ROBO2: variants seen among roughly 807,000 people sequenced by gnomAD.
ROBO2 encodes the protein roundabout guidance receptor 2, also known as roundabout homolog 2.
Under a neutral mutation model 160.8 loss-of-function variants are expected in ROBO2, and 53 were observed. The observed-to-expected ratio is 0.33, with a 90% CI of 0.26 to 0.41. The LOEUF (loss-of-function observed/expected upper bound fraction) is 0.41. ROBO2 is among the 10% of genes least tolerant of loss of function. The pLI is 1.00. For synonymous variants in ROBO2, 664 were observed against 611.7 expected (o/e 1.09, Z -1.26); for missense variants, 1,577 against 1,722.4 (o/e 0.92, Z 1.49).
At position 76,007,161 on chromosome 3, in the gene ROBO2, C is replaced by T. The variant is rs547240841; in HGVS notation, c.109+69559C>T. On this transcript the variant is annotated intron_variant, in intron 2 of 26. Transcript: ENST00000487694. ...TACTTTTGTGCATTATTATTAAATG[C>T]AGTTATATATTGCTATAAGTTGTAT... 3.3e-4 allele frequency among the ~76,000 whole-genome samples: 50 copies of T among 152,024 alleles called. 2 individuals are homozygous for T. In the East Asian group the frequency reaches 6.4e-3, roughly 19 times the overall value.
chr3:77,291,286 C>A (rs1262731417), intron 2 of ROBO2, among the ~76,000 whole-genome samples: 1 of 151,772 alleles, frequency 6.6e-6, no homozygotes, highest in Admixed American at 6.6e-5. Context: ...TCACCCCAGA[C>A]ATAAAGCAAA....
At chr3:77,096,927 C>T (rs2071156300) in intron 1 of ROBO2, among the ~76,000 whole-genome samples, 1 of 152,160 alleles carries the variant, frequency 6.6e-6, no homozygotes, top group Admixed American at 6.6e-5. Flanking sequence ...TTCCCAAAGT[C>T]AGGTTCTTTT....
intron 2 of ROBO2, among the ~76,000 whole-genome samples, chr3:76,459,882 C>T (rs935624418): frequency 2.6e-5 from 4 of 151,878 alleles, no homozygotes; most frequent in African/African-American, 9.7e-5. Flanking sequence ...TATAATATGA[C>T]AAAAATAATA....
chr3:76,386,028 T>G (rs940834181), intron 2 of ROBO2, among the ~76,000 whole-genome samples: 7 of 152,172 alleles, frequency 4.6e-5, no homozygotes, highest in Admixed American at 1.3e-4. Context: ...GTTTTACCCT[T>G]GAGTATCAAT....
intron 2 of ROBO2, among the ~76,000 whole-genome samples, chr3:77,353,671 C>T (rs1321951504): frequency 1.3e-5 from 2 of 152,078 alleles, no homozygotes; most frequent in Non-Finnish European, 2.9e-5. Context: ...CCACCATGCC[C>T]GGCTAATTTT....
At chr3:77,286,271 T>G (rs2060589224) in intron 2 of ROBO2, among the ~76,000 whole-genome samples, 1 of 150,712 alleles carries the variant, frequency 6.6e-6, no homozygotes, top group Non-Finnish European at 1.5e-5. Flanking sequence ...TTTTTTTTTT[T>G]TTTTGAGCTT....
At chr3:76,866,794 G>A (rs1011317555) in intron 2 of ROBO2, among the ~76,000 whole-genome samples, 7 of 152,078 alleles carry the variant, frequency 4.6e-5, no homozygotes, top group Non-Finnish European at 8.8e-5. Flanking sequence ...TACATAATCA[G>A]GTTGAATAAG....
At chr3:76,713,463 T>G (rs2093332915) in intron 2 of ROBO2, among the ~76,000 whole-genome samples, 1 of 152,168 alleles carries the variant, frequency 6.6e-6, no homozygotes, top group Non-Finnish European at 1.5e-5. Context: ...TTTTCTATGT[T>G]CATATTAATA....
intron 2 of ROBO2, among the ~76,000 whole-genome samples, chr3:77,021,447 G>T (rs1192399983): frequency 1.3e-5 from 2 of 151,888 alleles, no homozygotes; most frequent in African/African-American, 4.8e-5. Flanking sequence ...GAAATATTAC[G>T]CTAACCCTCC....
intron 4 of ROBO2, among the ~76,000 whole-genome samples, chr3:77,489,379 G>T (rs2085789471): frequency 1.3e-5 from 2 of 152,114 alleles, no homozygotes; most frequent in South Asian, 2.1e-4. Flanking sequence ...CTGCTTGAGG[G>T]TAGCAGGGTA....
chr3:76,782,033 C>G (rs1007543333), intron 2 of ROBO2, among the ~76,000 whole-genome samples: 3 of 150,612 alleles, frequency 2.0e-5, no homozygotes, highest in African/African-American at 7.3e-5. Flanking sequence ...CGGATTCAGT[C>G]TACTTGTATG....
chr3:76,868,024 T>C (rs1438623846), intron 2 of ROBO2, among the ~76,000 whole-genome samples: 7 of 152,216 alleles, frequency 4.6e-5, no homozygotes, highest in Non-Finnish European at 1.0e-4. Context: ...ATTTTCTCCA[T>C]CATAAATCAT....
intron 2 of ROBO2, among the ~76,000 whole-genome samples, chr3:76,686,188 A>T (rs760685809): frequency 6.6e-6 from 1 of 152,090 alleles, no homozygotes; most frequent in African/African-American, 2.4e-5. Flanking sequence ...TTCTGGTTGA[A>T]TCAGTCGGTG....
chr3:77,567,784 C>A (rs1290679947), intron 12 of ROBO2, among the ~76,000 whole-genome samples: 2 of 152,064 alleles, frequency 1.3e-5, no homozygotes, highest in Non-Finnish European at 1.5e-5. Context: ...AATTCACTTT[C>A]CTAGTCCACC....
intron 5 of ROBO2, among the ~76,000 whole-genome samples, chr3:77,513,950 C>T (rs2089709997): frequency 6.6e-6 from 1 of 151,780 alleles, no homozygotes; most frequent in Admixed American, 6.6e-5. Context: ...AACTTGGCAA[C>T]AATGACTGCA....
At chr3:76,602,726 G>C (rs2087252377) in intron 2 of ROBO2, among the ~76,000 whole-genome samples, 1 of 151,826 alleles carries the variant, frequency 6.6e-6, no homozygotes, top group Admixed American at 6.6e-5. Flanking sequence ...CTCCCACTGG[G>C]TTCCTCCCAT....
In ROBO2 at chr3:77,277,644, T is replaced by A. The variant is rs111267528; in HGVS notation, c.388+179304T>A. On this transcript the variant is annotated intron_variant, in intron 2 of 25. Coordinates refer to ENST00000461745, the Ensembl canonical transcript of ROBO2. Reference sequence around the variant, plus strand: ...CAAAGGACATGATCTTGTTCCTTTTTATGGCTGCATAGTATTCCATGGTGT... The same window carrying A: ...CAAAGGACATGATCTTGTTCCTTTTAATGGCTGCATAGTATTCCATGGTGT... Among the ~76,000 whole-genome samples, 1,444 of 152,330 alleles carry A rather than the reference T, an allele frequency of 9.5e-3. 20 individuals are homozygous for A. The highest frequency in any genetic ancestry group is 0.033 in the African/African-American group (1,384 of 41,568).
rs566692756 is a variant in ROBO2, at chr3:77,378,803, T to C, written c.389-98611T>C. ...CTATGGTTAACTATGCAATTACTTC[T>C]GCATAGATGCCCGAAAAAATCTTTA... On this transcript the variant is annotated intron_variant, in intron 2 of 25. Transcript: ENST00000461745. Among the ~76,000 whole-genome samples the C allele has an allele frequency of 2.0e-4, 31 of 152,318 alleles. No homozygotes were observed. In the South Asian group the frequency reaches 3.3e-3, roughly 16 times the overall value.
chr3:77,526,027 G>T (rs1328850339), intron 6 of ROBO2, among the ~76,000 whole-genome samples: 4 of 151,228 alleles, frequency 2.6e-5, no homozygotes, highest in Non-Finnish European at 5.9e-5. Context: ...CTTGTATTCT[G>T]CCCCTCACTC....
Sources: allele counts gnomAD v4.1 joint callset (sites outside exome capture counted in the v4.1 genomes callset), GRCh38; gene constraint gnomAD v4.1.1; transcripts MANE v1.5; gene names NCBI Gene and HGNC (gene_info 2026-07-23, HGNC 2026-07-21).